EEFSEC: variants seen among roughly 807,000 people sequenced by gnomAD.
The protein encoded by EEFSEC is eukaryotic elongation factor, selenocysteine-tRNA specific, also known as selenocysteine-specific elongation factor.
EEFSEC carries 43 observed loss-of-function variants against 42.1 expected under a neutral mutation model. The ratio of observed to expected loss-of-function variants is 1.02; its 90% CI spans 0.80 to 1.32. The LOEUF is 1.32. Ranked by LOEUF, EEFSEC falls within the 40% of genes most tolerant of loss-of-function variation. The pLI is 0.00. For synonymous variants in EEFSEC, 354 were observed against 339.1 expected (o/e 1.04, Z -0.48); for missense variants, 745 against 803.6 (o/e 0.93, Z 0.88).
intron 4 of EEFSEC, among the ~76,000 whole-genome samples, chr3:128,316,963 A>G (rs1191242319): frequency 2.0e-5 from 3 of 152,256 alleles, no homozygotes; most frequent in Non-Finnish European, 4.4e-5. Flanking sequence ...ATTAAACAAC[A>G]TACAGGAATA....
In EEFSEC at chr3:128,295,855, C is replaced by A. The variant is rs79585472; in HGVS notation, c.786+31074C>A. Among the ~76,000 whole-genome samples the A allele has an allele frequency of 4.1e-4, 62 of 152,202 alleles. 3 individuals carry two copies. In the East Asian group the frequency reaches 0.012, roughly 29 times the overall value. On this transcript the variant is annotated intron_variant, in intron 4 of 6. Transcript: ENST00000254730. ...TTCCTCAGCCCATTCATCCTCCTGC[C>A]CAGAGTCCCCATGGGAAGTATGTGC...
At chr3:128,412,644 C>A (rs888360013), downstream of EEFSEC, among the ~76,000 whole-genome samples, 1 of 152,208 alleles carries the variant, frequency 6.6e-6, no homozygotes, top group South Asian at 2.1e-4. Context: ...TAGCTCCAGA[C>A]CCCCCAGCCC....
chr3:128,244,421 G>A (rs941226032), intron 1 of EEFSEC, among the ~76,000 whole-genome samples: 5 of 151,904 alleles, frequency 3.3e-5, no homozygotes, highest in Non-Finnish European at 1.5e-5. Flanking sequence ...TGAGTGGGAA[G>A]CAACTGGTAG....
intron 6 of EEFSEC, among the ~76,000 whole-genome samples, chr3:128,401,034 C>T (rs1168421728): frequency 6.6e-6 from 1 of 152,184 alleles, no homozygotes; most frequent in East Asian, 1.9e-4. Flanking sequence ...GGGCCATAGG[C>T]TCCGAGAATC....
At chr3:128,352,927 C>A (rs1025878638) in intron 5 of EEFSEC, among the ~76,000 whole-genome samples, 1 of 152,220 alleles carries the variant, frequency 6.6e-6, no homozygotes, top group Non-Finnish European at 1.5e-5. Flanking sequence ...CAGGTTCTAA[C>A]CTGTGATGTA....
chr3:128,411,961 C>G (rs1467307914), downstream of EEFSEC, among the ~76,000 whole-genome samples: 1 of 152,236 alleles, frequency 6.6e-6, no homozygotes, highest in Non-Finnish European at 1.5e-5. Flanking sequence ...TCCGCGATGT[C>G]TCAGACGTGT....
At chr3:128,342,419 G>T (rs1445081829) in intron 5 of EEFSEC, among the ~76,000 whole-genome samples, 1 of 152,246 alleles carries the variant, frequency 6.6e-6, no homozygotes, top group Admixed American at 6.5e-5. Context: ...AGGGGAAGGG[G>T]CTAATGGTGG....
chr3:128,238,393 G>A (rs973562296), intron 1 of EEFSEC, among the ~76,000 whole-genome samples: 1 of 152,214 alleles, frequency 6.6e-6, no homozygotes, highest in Middle Eastern at 3.2e-3. Context: ...AACAGGTACT[G>A]CACAGGCTAG....
At chr3:128,265,855 G>A (rs923813395) in intron 4 of EEFSEC, among the ~76,000 whole-genome samples, 17 of 152,318 alleles carry the variant, frequency 1.1e-4, no homozygotes, top group African/African-American at 3.8e-4. Flanking sequence ...ATACATAGAT[G>A]TAAATATGTA....
intron 4 of EEFSEC, among the ~76,000 whole-genome samples, chr3:128,305,711 G>T (rs2066818615): frequency 6.6e-6 from 1 of 151,362 alleles, no homozygotes; most frequent in African/African-American, 2.4e-5. Flanking sequence ...TGTGTATTTG[G>T]GCTTTACTGG....
At chr3:128,194,669 G>A (rs528082700) in intron 1 of EEFSEC, among the ~76,000 whole-genome samples, 6 of 152,222 alleles carry the variant, frequency 3.9e-5, no homozygotes, top group African/African-American at 9.6e-5. Context: ...AAGGTACTTT[G>A]TGCACCCTTC....
intron 4 of EEFSEC, among the ~76,000 whole-genome samples, chr3:128,289,031 C>G (rs779686753): frequency 5.9e-5 from 9 of 152,210 alleles, no homozygotes; most frequent in Non-Finnish European, 1.0e-4. Flanking sequence ...GAGTCTGGCA[C>G]TGCTAAGGAG....
chr3:128,348,581 T>A (rs2067344929), intron 5 of EEFSEC, among the ~76,000 whole-genome samples: 1 of 152,162 alleles, frequency 6.6e-6, no homozygotes. Flanking sequence ...GATTATTCTT[T>A]GGGGGTTTTT....
At chr3:128,253,007 A>G (rs1474364654) in intron 2 of EEFSEC, among the ~76,000 whole-genome samples, 1 of 152,210 alleles carries the variant, frequency 6.6e-6, no homozygotes, top group Non-Finnish European at 1.5e-5. Flanking sequence ...CCAGGGCTCC[A>G]TGGAGCTGGG....
At chr3:128,391,879 C>T (rs1447308364) in intron 6 of EEFSEC, among the ~76,000 whole-genome samples, 3 of 152,194 alleles carry the variant, frequency 2.0e-5, no homozygotes, top group African/African-American at 7.2e-5. Context: ...TGAGCTTCTG[C>T]TTGTGCTGTG....
At chr3:128,411,229 G>A (rs1052296854), downstream of EEFSEC, among the ~76,000 whole-genome samples, 5 of 152,210 alleles carry the variant, frequency 3.3e-5, no homozygotes, top group Non-Finnish European at 7.3e-5. Context: ...TGGCTCCCCC[G>A]TCCCCCAGGA....
chr3:128,381,442 T>C (rs1054086803), intron 6 of EEFSEC, among the ~76,000 whole-genome samples: 1 of 152,206 alleles, frequency 6.6e-6, no homozygotes, highest in African/African-American at 2.4e-5. Flanking sequence ...GGCTGGGCCT[T>C]CCCCCATGTA....
chr3:128,239,788 A>G (rs1026201342), intron 1 of EEFSEC, among the ~76,000 whole-genome samples: 1 of 152,214 alleles, frequency 6.6e-6, no homozygotes, highest in Non-Finnish European at 1.5e-5. Flanking sequence ...GAATAGCTTT[A>G]TAAAACTCCC....
At chr3:128,279,567 A>G (rs1390621734) in intron 4 of EEFSEC, among the ~76,000 whole-genome samples, 2 of 152,120 alleles carry the variant, frequency 1.3e-5, no homozygotes, top group African/African-American at 2.4e-5. Flanking sequence ...CACCACATCC[A>G]TGTTTGGAGT....
Sources: gnomAD v4.1 joint callset for allele counts (sites outside exome capture counted in the v4.1 genomes callset) on GRCh38, gnomAD v4.1.1 for gene constraint, MANE v1.5 for transcripts, NCBI Gene and HGNC (gene_info 2026-07-23, HGNC 2026-07-21) for gene names.